ADAMTS6: variants seen among roughly 807,000 people sequenced by gnomAD.
The protein encoded by ADAMTS6 is A disintegrin and metalloproteinase with thrombospondin motifs 6.
In ADAMTS6, 23 loss-of-function variants were observed where a neutral mutation model predicts 144.3. The ratio of observed to expected loss-of-function variants is 0.16; its 90% CI spans 0.11 to 0.23. ADAMTS6 has a LOEUF of 0.23. Ranked by LOEUF, ADAMTS6 falls within the 10% of genes least tolerant of loss-of-function variation. ADAMTS6 has a pLI of 1.00. For missense variants in ADAMTS6, 999 were observed against 1,379.6 expected (o/e 0.72, Z 4.37); for synonymous variants, 444 against 457.5 (o/e 0.97, Z 0.38).
chr5:65,379,530 G>A (rs546557803), intron 7 of ADAMTS6, among the ~76,000 whole-genome samples: 2 of 152,212 alleles, frequency 1.3e-5, no homozygotes, highest in African/African-American at 4.8e-5. Context: ...TCTCTAGCAG[G>A]CTGCCTGTGT....
At chr5:65,278,164 C>T (rs1762710892) in intron 11 of ADAMTS6, among the ~76,000 whole-genome samples, 1 of 152,148 alleles carries the variant, frequency 6.6e-6, no homozygotes, top group Non-Finnish European at 1.5e-5. Context: ...TACTTTGATC[C>T]CTTTATGGCT....
At chr5:65,416,737 A>C (rs1401475455) in intron 7 of ADAMTS6, among the ~76,000 whole-genome samples, 1 of 124,498 alleles carries the variant, frequency 8.0e-6, no homozygotes, top group East Asian at 2.0e-4. Context: ...GCAACAGAGC[A>C]AGACTCCATT....
intron 7 of ADAMTS6, among the ~76,000 whole-genome samples, chr5:65,366,415 C>T (rs1750311035): frequency 6.6e-6 from 1 of 152,032 alleles, no homozygotes; most frequent in South Asian, 2.1e-4. Context: ...TAGAATTCTA[C>T]CAAAATCTAC....
chr5:65,188,079 G>A lies in ADAMTS6; in HGVS notation c.2847C>T (p.Val949=), dbSNP rs778331507. 11 of 1,613,896 alleles carry A rather than the reference G, an allele frequency of 6.8e-6. No homozygotes were observed. Among genetic ancestry groups the A allele is most frequent in the African/African-American group, 4.0e-5 (3 of 74,886 alleles). The change falls in exon 22 of 25, where the codon GTC becomes GTT. Residue 949 remains valine (V), a synonymous_variant. Transcript: ENST00000381055. ...DYSGCLTHRP[V]EKEPCNNQSC... is the part of the protein sequence containing the mutation. ...ACTGGTTGTTGCAGGGCTCTTTTTCGACAGGCCGGTGTGTTAAACAACCAC... is the reference window on the plus strand; with the variant it reads ...ACTGGTTGTTGCAGGGCTCTTTTTCAACAGGCCGGTGTGTTAAACAACCAC...
At chr5:65,333,657 T>C (rs1329472193) in intron 8 of ADAMTS6, among the ~76,000 whole-genome samples, 1 of 151,788 alleles carries the variant, frequency 6.6e-6, no homozygotes, top group East Asian at 1.9e-4. Context: ...AGATGTTGAC[T>C]GCTTTCATTT....
At chr5:65,327,540 A>G (rs940318181) in intron 9 of ADAMTS6, among the ~76,000 whole-genome samples, 3 of 146,020 alleles carry the variant, frequency 2.1e-5, no homozygotes, top group Admixed American at 1.3e-4. Flanking sequence ...CTTTCAAACA[A>G]GAGTTAACTG....
At chr5:65,303,414 T>A (rs1400611558) in intron 9 of ADAMTS6, among the ~76,000 whole-genome samples, 1 of 152,116 alleles carries the variant, frequency 6.6e-6, no homozygotes, top group Non-Finnish European at 1.5e-5. Context: ...ATACATCCAA[T>A]TAATGATATG....
chr5:65,262,777 T>G (rs1024895856), intron 13 of ADAMTS6, 40 bp downstream of exon 13: 4 of 1,472,994 alleles, frequency 2.7e-6, no homozygotes, highest in Non-Finnish European at 2.7e-6. Flanking sequence ...CATTTCCAAC[T>G]GTGTCTTTTT....
At chr5:65,260,803 A>T (rs1288827770) in intron 13 of ADAMTS6, 140 bp from the exon 14 acceptor site, 2 of 557,294 alleles carry the variant, frequency 3.6e-6, no homozygotes, top group Admixed American at 3.5e-5. Context: ...TAAAGTAATC[A>T]TGCTGGTGAT....
intron 7 of ADAMTS6, among the ~76,000 whole-genome samples, chr5:65,431,829 T>C (rs1757022138): frequency 1.3e-5 from 2 of 152,048 alleles, no homozygotes; most frequent in Non-Finnish European, 2.9e-5. Flanking sequence ...AGCAAACGGA[T>C]ATACAAATAG....
intron 24 of ADAMTS6, among the ~76,000 whole-genome samples, chr5:65,166,983 A>C (rs1296944919): frequency 9.6e-5 from 14 of 146,162 alleles, no homozygotes; most frequent in Non-Finnish European, 2.1e-4. Context: ...CTAGAAAAGC[A>C]AGAGCAAACA....
chr5:65,255,065 A>G (rs1319353918), intron 14 of ADAMTS6, among the ~76,000 whole-genome samples: 4 of 152,166 alleles, frequency 2.6e-5, no homozygotes, highest in Non-Finnish European at 4.4e-5. Flanking sequence ...CCCACTATCC[A>G]TTACTCTCTG....
chr5:65,297,377 T>C, intron 10 of ADAMTS6: 1 of 380,808 alleles, frequency 2.6e-6, no homozygotes. Flanking sequence ...TAGTGAATTG[T>C]GAATCTCTAT....
intron 24 of ADAMTS6, among the ~76,000 whole-genome samples, chr5:65,163,648 A>G (rs7445643): frequency 0.59 from 90,225 of 152,142 alleles, 27,168 homozygotes; most frequent in Non-Finnish European, 0.65. Flanking sequence ...TTATAAACAT[A>G]TAGTTTTCAC....
intron 1 of ADAMTS6, among the ~76,000 whole-genome samples, chr5:65,474,403 G>A (rs1297234631): frequency 6.6e-6 from 1 of 150,652 alleles, no homozygotes; most frequent in African/African-American, 2.4e-5. Flanking sequence ...TTTTTTTTCT[G>A]ACAAAGTAGA....
intron 7 of ADAMTS6, among the ~76,000 whole-genome samples, chr5:65,446,772 A>G (rs1027787800): frequency 6.6e-6 from 1 of 152,194 alleles, no homozygotes; most frequent in African/African-American, 2.4e-5. Context: ...ATAGACAGAA[A>G]GTAGATTAGC....
At chr5:65,421,718 T>C (rs1756057548) in intron 7 of ADAMTS6, among the ~76,000 whole-genome samples, 1 of 152,054 alleles carries the variant, frequency 6.6e-6, no homozygotes, top group South Asian at 2.1e-4. Context: ...CAACAAAGCA[T>C]ATGATAACAT....
chr5:65,345,218 T>C (rs79768434), intron 7 of ADAMTS6, among the ~76,000 whole-genome samples: 2,148 of 151,822 alleles, frequency 0.014, 34 homozygotes, highest in East Asian at 0.083. Flanking sequence ...TTTCCAGTAA[T>C]CTAATAACCT....
rs1753593945 is a variant in ADAMTS6 at position 65,398,784 on chromosome 5, GAAAGAAAGAAAGAAAGAAAGAA to G, written c.1073+52669_1073+52690del. 2.2e-3 allele frequency among the ~76,000 whole-genome samples: 108 copies of G among 48,612 alleles called. 4 individuals are homozygous for G. Among genetic ancestry groups the G allele is most frequent in the East Asian group, 0.012 (19 of 1,530 alleles). The allele number at this position is 48,612 out of a possible 152,430, so 31.9% of individuals were successfully genotyped here. A position where few individuals can be genotyped will look rare whatever the true frequency, so the allele number is the denominator to read the frequency against. ...GAGAGAGAGAAAGAAGAGAGAGCAA[GAAAGAAAGAAAGAAAGAAAGAA>G]AGAAAGAAAGAAAGAAAGAAAGAAA... On this transcript the variant is annotated intron_variant, in intron 7 of 24. Transcript: ENST00000381055.
Sources: gnomAD v4.1 joint callset for allele counts (sites outside exome capture counted in the v4.1 genomes callset) on GRCh38, gnomAD v4.1.1 for gene constraint, MANE v1.5 for transcripts, NCBI Gene and HGNC (gene_info 2026-07-23, HGNC 2026-07-21) for gene names.